Variants in TENM2 observed in about 807,000 individuals in gnomAD.
The protein encoded by TENM2 is teneurin transmembrane protein 2, also known as teneurin-2.
TENM2 carries 52 observed loss-of-function variants against 245.2 expected under a neutral mutation model. The observed-to-expected ratio is 0.21, with a 90% CI of 0.17 to 0.27. TENM2 has a LOEUF of 0.27. TENM2 is among the 10% of genes least tolerant of loss of function. The probability of loss-of-function intolerance (pLI) is 1.00; values close to 1 mark genes in which losing one functional copy is unlikely to be tolerated. For missense variants in TENM2, 3,046 were observed against 3,666.8 expected, an observed-to-expected ratio of 0.83 and a Z score of 4.37; for synonymous variants, 1,363 against 1,438.9, an observed-to-expected ratio of 0.95 and a Z score of 1.19.
intron 2 of TENM2, among the ~76,000 whole-genome samples, chr5:167,672,895 C>G (rs1234999032): frequency 6.8e-6 from 1 of 146,702 alleles, no homozygotes; most frequent in Non-Finnish European, 1.5e-5. Context: ...CTCTTCTACC[C>G]TCTCTGTCAG....
the TENM2 span, among the ~76,000 whole-genome samples, chr5:167,055,629 T>C: frequency 1.3e-5 from 2 of 152,216 alleles, no homozygotes; most frequent in East Asian, 3.9e-4. Flanking sequence ...GTGCATATTT[T>C]GTCATATTTA....
At chr5:167,737,608 A>G (rs190003952) in intron 2 of TENM2, among the ~76,000 whole-genome samples, 3 of 152,314 alleles carry the variant, frequency 2.0e-5, no homozygotes, top group East Asian at 3.9e-4. Flanking sequence ...GTCTACAATC[A>G]TGCTGGGGAG....
At chr5:167,497,840 G>A (rs1582209286) in intron 2 of TENM2, among the ~76,000 whole-genome samples, 1 of 151,958 alleles carries the variant, frequency 6.6e-6, no homozygotes, top group Non-Finnish European at 1.5e-5. Context: ...TGTCCCCTCC[G>A]AGAATGAACG....
At chr5:167,738,767 G>T (rs1011344676) in intron 2 of TENM2, among the ~76,000 whole-genome samples, 7 of 151,948 alleles carry the variant, frequency 4.6e-5, no homozygotes, top group Non-Finnish European at 8.8e-5. Context: ...ATGCTCACAT[G>T]GTCTTTCTGT....
At chr5:167,141,251 A>G in the TENM2 span, among the ~76,000 whole-genome samples, 1 of 152,206 alleles carries the variant, frequency 6.6e-6, no homozygotes. Context: ...CATTTCTGTG[A>G]TAATATTTCA....
chr5:167,911,307 A>C (rs1246805903), intron 3 of TENM2, among the ~76,000 whole-genome samples: 2 of 152,180 alleles, frequency 1.3e-5, no homozygotes, highest in East Asian at 3.9e-4. Flanking sequence ...CGGACGGATC[A>C]TGAGGTCAGG....
chr5:167,945,194 G>C (rs899449105), intron 3 of TENM2, among the ~76,000 whole-genome samples: 1 of 152,174 alleles, frequency 6.6e-6, no homozygotes, highest in Admixed American at 6.5e-5. Flanking sequence ...ATACAGACAA[G>C]TGAGACAGAC....
At chr5:168,094,359 A>G (rs763867773) in intron 8 of TENM2, among the ~76,000 whole-genome samples, 1 of 152,050 alleles carries the variant, frequency 6.6e-6, no homozygotes, top group Non-Finnish European at 1.5e-5. Flanking sequence ...CCAAAGATGT[A>G]AGTTTTGAGA....
chr5:167,893,618 A>G (rs1478010599), intron 3 of TENM2, among the ~76,000 whole-genome samples: 7 of 151,938 alleles, frequency 4.6e-5, no homozygotes, highest in Non-Finnish European at 1.0e-4. Flanking sequence ...AACAAACAAA[A>G]AAGGTTTTTT....
intron 1 of TENM2, among the ~76,000 whole-genome samples, chr5:167,366,661 T>A (rs1760073901): frequency 6.6e-6 from 1 of 152,114 alleles, no homozygotes; most frequent in African/African-American, 2.4e-5. Context: ...GTAGGGCTGC[T>A]TTTTTAATTA....
intron 2 of TENM2, among the ~76,000 whole-genome samples, chr5:167,624,565 G>T (rs1203463165): frequency 1.3e-5 from 2 of 152,104 alleles, no homozygotes; most frequent in African/African-American, 2.4e-5. Flanking sequence ...AAAAACAAAA[G>T]TTGAAAAGAA....
chr5:168,037,210 T>C lies in TENM2; in HGVS notation c.1187-10217T>C, dbSNP rs375254279. On this transcript the variant is annotated intron_variant, in intron 5 of 28. Transcript: ENST00000518659. ...GTTTGAAAAAATCTTGAGCTAACCA[T>C]GTCAGAAATTAAAAATTGAAAAGGA... Among the ~76,000 whole-genome samples the C allele has an allele frequency of 3.0e-4, 45 of 152,314 alleles. 1 individual carries two copies. In the East Asian group the frequency reaches 4.8e-3, roughly 16 times the overall value.
chr5:168,128,718 T>A (rs1478220064), intron 12 of TENM2: 2 of 152,276 alleles, frequency 1.3e-5, no homozygotes, highest in Non-Finnish European at 2.9e-5. Flanking sequence ...CTGCCTGTTT[T>A]TCCATGGCTT....
the TENM2 span, among the ~76,000 whole-genome samples, chr5:167,084,366 T>TATATATATACACAC: frequency 3.5e-5 from 4 of 114,898 alleles, no homozygotes; most frequent in Non-Finnish European, 7.4e-5. Flanking sequence ...TATATATATA[T>TATATATATACACAC]ACAGATCAGA....
At chr5:167,623,898 A>G (rs1778337582) in intron 2 of TENM2, among the ~76,000 whole-genome samples, 1 of 152,170 alleles carries the variant, frequency 6.6e-6, no homozygotes. Flanking sequence ...CAGAATGGCT[A>G]TTATTAAAAA....
At chr5:167,647,243 C>A (rs928588256) in intron 2 of TENM2, among the ~76,000 whole-genome samples, 1 of 152,078 alleles carries the variant, frequency 6.6e-6, no homozygotes, top group African/African-American at 2.4e-5. Flanking sequence ...GTTGATGGAT[C>A]CACGGTGGGG....
chr5:168,004,013 G>A (rs1406338505), intron 5 of TENM2, among the ~76,000 whole-genome samples: 2 of 152,206 alleles, frequency 1.3e-5, no homozygotes, highest in Non-Finnish European at 2.9e-5. Flanking sequence ...AATGATGTAA[G>A]AGATGGAAAG....
At chr5:167,205,214 C>T in the TENM2 span, among the ~76,000 whole-genome samples, 124 of 152,226 alleles carry the variant, frequency 8.1e-4, 1 homozygote, top group Middle Eastern at 0.017. Context: ...AACTCCATCT[C>T]TAATAAAAAT....
At chr5:167,030,691 C>G in the TENM2 span, among the ~76,000 whole-genome samples, 5 of 152,086 alleles carry the variant, frequency 3.3e-5, no homozygotes, top group Admixed American at 3.3e-4. Context: ...TGTAGTAACG[C>G]GAGCAGAGCA....
Sources: gnomAD v4.1 joint callset for allele counts (sites outside exome capture counted in the v4.1 genomes callset) on GRCh38, gnomAD v4.1.1 for gene constraint, MANE v1.5 for transcripts, NCBI Gene and HGNC (gene_info 2026-07-23, HGNC 2026-07-21) for gene names.